Variants in NRG1 observed in about 807,000 individuals in gnomAD.
The protein encoded by NRG1 is pro-neuregulin-1, membrane-bound isoform.
NRG1 carries 18 observed loss-of-function variants against 63.8 expected under a neutral mutation model. That is an observed-to-expected ratio of 0.28 (90% CI 0.19 to 0.42). NRG1 has a LOEUF of 0.42. Among genes scored for constraint, NRG1 ranks in the 10% least tolerant of loss-of-function variants. NRG1 has a pLI of 1.00. For synonymous variants in NRG1, 302 were observed against 301.3 expected (o/e 1.00, Z -0.02); for missense variants, 762 against 814.7 (o/e 0.94, Z 0.79).
At chr8:32,126,001 T>A (rs1286667573) in intron 1 of NRG1, among the ~76,000 whole-genome samples, 1 of 151,888 alleles carries the variant, frequency 6.6e-6, no homozygotes, top group Non-Finnish European at 1.5e-5. Context: ...GACCTGGATA[T>A]ACTTCTAGTA....
At chr8:31,719,368 A>C (rs1436065616) in intron 1 of NRG1, among the ~76,000 whole-genome samples, 6 of 152,200 alleles carry the variant, frequency 3.9e-5, no homozygotes, top group Non-Finnish European at 8.8e-5. Context: ...CAGAAAATTA[A>C]ACTGAGTATA....
At chr8:32,528,182 G>A (rs951696483) in intron 1 of NRG1, among the ~76,000 whole-genome samples, 31 of 152,146 alleles carry the variant, frequency 2.0e-4, no homozygotes, top group African/African-American at 6.0e-4. Context: ...CCAAGCCTCC[G>A]TTATTCACTA....
intron 1 of NRG1, among the ~76,000 whole-genome samples, chr8:32,328,126 G>T (rs1263405305): frequency 6.6e-6 from 1 of 152,144 alleles, no homozygotes; most frequent in Non-Finnish European, 1.5e-5. Flanking sequence ...TAAGCAAATT[G>T]TTGTCCCTTT....
chr8:32,545,100 CTTCT>C (rs1344165198), upstream of NRG1, among the ~76,000 whole-genome samples: 1 of 152,104 alleles, frequency 6.6e-6, no homozygotes, highest in Non-Finnish European at 1.5e-5. Context: ...TCTTGTTAGT[CTTCT>C]TTAATTTTTC....
At chr8:31,936,946 G>A (rs1371979833) in intron 1 of NRG1, among the ~76,000 whole-genome samples, 1 of 152,162 alleles carries the variant, frequency 6.6e-6, no homozygotes, top group African/African-American at 2.4e-5. Flanking sequence ...ACATATGTAA[G>A]ATAAATTTAA....
chr8:32,561,372 A>G (rs2129526960), intron 1 of NRG1, among the ~76,000 whole-genome samples: 1 of 152,342 alleles, frequency 6.6e-6, no homozygotes, highest in East Asian at 1.9e-4. Context: ...TTCTTGCAGT[A>G]TCTTGTACCC....
rs185817672 is a variant in NRG1, at chr8:31,957,673, A to G, written c.37+318242A>G. ...TCTTCAAAATCTGGTGTAAATTTGC[A>G]CTGACAGCCCATCACAATTCAGTCA... On this transcript the variant is annotated intron_variant, in intron 1 of 10. Transcript: ENST00000519301. 1.5e-3 allele frequency among the ~76,000 whole-genome samples: 235 copies of G among 152,324 alleles called. 1 individual carries two copies. Among genetic ancestry groups the G allele is most frequent in the Non-Finnish European group, 1.0e-3 (69 of 68,028 alleles).
intron 1 of NRG1, among the ~76,000 whole-genome samples, chr8:32,375,901 A>G (rs916239356): frequency 6.6e-6 from 1 of 152,180 alleles, no homozygotes; most frequent in African/African-American, 2.4e-5. Flanking sequence ...CTTAAAGACA[A>G]GGTTTGACTT....
chr8:32,044,931 A>C (rs1015603415), intron 1 of NRG1, among the ~76,000 whole-genome samples: 9 of 131,566 alleles, frequency 6.8e-5, no homozygotes, highest in Non-Finnish European at 1.1e-4. Context: ...AAAAAAAAAA[A>C]CACACACACA....
intron 1 of NRG1, among the ~76,000 whole-genome samples, chr8:32,179,287 C>G (rs144984644): frequency 4.8e-4 from 72 of 150,468 alleles, no homozygotes; most frequent in Non-Finnish European, 9.0e-4. Context: ...GCTCCTGATG[C>G]GGAAGTGGCA....
chr8:31,834,782 G>A (rs981213023), intron 1 of NRG1, among the ~76,000 whole-genome samples: 1 of 152,128 alleles, frequency 6.6e-6, no homozygotes, highest in Non-Finnish European at 1.5e-5. Flanking sequence ...GTAACCAAAT[G>A]GTTTAACAAC....
chr8:32,493,906 C>A (rs1159427008), intron 1 of NRG1, among the ~76,000 whole-genome samples: 1 of 152,118 alleles, frequency 6.6e-6, no homozygotes, highest in Non-Finnish European at 1.5e-5. Context: ...GTTATAAAAT[C>A]TATCCTTTTC....
At chr8:32,615,263 G>T (rs2439277) in intron 4 of NRG1, among the ~76,000 whole-genome samples, 95,827 of 151,900 alleles carry the variant, frequency 0.63, 31,418 homozygotes, top group African/African-American at 0.8. Context: ...TCTTTGTAAT[G>T]CTATAATTAA....
chr8:32,716,948 T>C (rs1326105954), intron 5 of NRG1, among the ~76,000 whole-genome samples: 1 of 151,988 alleles, frequency 6.6e-6, no homozygotes, highest in Non-Finnish European at 1.5e-5. Context: ...TTCCTTCCCA[T>C]TGAACAACAT....
At chr8:32,503,629 G>A (rs1353044191) in intron 1 of NRG1, among the ~76,000 whole-genome samples, 5 of 152,124 alleles carry the variant, frequency 3.3e-5, no homozygotes, top group Admixed American at 2.0e-4. Context: ...TATATTTCAT[G>A]TTGACAACTT....
chr8:32,251,911 C>T (rs1849157675), intron 1 of NRG1, among the ~76,000 whole-genome samples: 1 of 151,838 alleles, frequency 6.6e-6, no homozygotes, highest in Admixed American at 6.6e-5. Flanking sequence ...TGTCATTTCT[C>T]TAATGACCAG....
At chr8:32,692,621 A>G (rs1449357037) in intron 5 of NRG1, among the ~76,000 whole-genome samples, 1 of 152,240 alleles carries the variant, frequency 6.6e-6, no homozygotes, top group Non-Finnish European at 1.5e-5. Flanking sequence ...TGCAATGAAC[A>G]ACAGCATTTG....
chr8:32,273,717 C>T (rs1201883746), intron 1 of NRG1, among the ~76,000 whole-genome samples: 1 of 152,106 alleles, frequency 6.6e-6, no homozygotes, highest in Non-Finnish European at 1.5e-5. Context: ...AATTGGGAAT[C>T]ATGAGAGCAT....
At chr8:32,355,219 G>T (rs1806208923) in intron 1 of NRG1, among the ~76,000 whole-genome samples, 1 of 152,152 alleles carries the variant, frequency 6.6e-6, no homozygotes, top group South Asian at 2.1e-4. Context: ...AGCACTTTGG[G>T]TGGCCGAGAT....
Sources: allele counts gnomAD v4.1 joint callset (sites outside exome capture counted in the v4.1 genomes callset), GRCh38; gene constraint gnomAD v4.1.1; transcripts MANE v1.5; gene names NCBI Gene and HGNC (gene_info 2026-07-23, HGNC 2026-07-21).